Variants in TMEM131 observed in about 807,000 individuals in gnomAD.
The protein encoded by TMEM131 is 2610524E03Rik.
In TMEM131, 66 loss-of-function variants were observed where a neutral mutation model predicts 211.6. The ratio of observed to expected loss-of-function variants is 0.31; its 90% confidence interval spans 0.26 to 0.38. The LOEUF is 0.38. Ranked by LOEUF, TMEM131 falls within the 10% of genes least tolerant of loss-of-function variation. The pLI, the probability that TMEM131 is intolerant of heterozygous loss-of-function variation, is 1.00. For synonymous variants in TMEM131, 844 were observed against 841.3 expected, an observed-to-expected ratio of 1.00 and a Z score of -0.06; for missense variants, 2,036 against 2,299.3, an observed-to-expected ratio of 0.89 and a Z score of 2.34.
At chr2:97,784,743 CA>C (rs1335889076) in intron 31 of TMEM131, among the ~76,000 whole-genome samples, 1 of 151,808 alleles carries the variant, frequency 6.6e-6, no homozygotes, top group Non-Finnish European at 1.5e-5. Flanking sequence ...AAGATAATAA[CA>C]AAGATAAGAA....
intron 25 of TMEM131, 25 bp from the exon 26 acceptor site, chr2:97,797,541 G>A (rs1182846972): frequency 6.3e-7 from 1 of 1,590,134 alleles, no homozygotes; most frequent in Non-Finnish European, 8.6e-7. Context: ...TAAACAGAGA[G>A]GAGTCATGAA....
intron 1 of TMEM131, among the ~76,000 whole-genome samples, chr2:97,957,800 T>C (rs533700229): frequency 1.3e-5 from 2 of 152,212 alleles, no homozygotes; most frequent in South Asian, 4.1e-4. Context: ...GAAATACAAT[T>C]AGCTAATGTC....
At chr2:97,878,824 T>C (rs1446021428) in intron 4 of TMEM131, among the ~76,000 whole-genome samples, 1 of 152,182 alleles carries the variant, frequency 6.6e-6, no homozygotes. Context: ...TCTGCACATA[T>C]ACCCCAGAAC....
At chr2:97,990,671 G>C (rs1334839435) in intron 1 of TMEM131, among the ~76,000 whole-genome samples, 6 of 152,092 alleles carry the variant, frequency 3.9e-5, no homozygotes, top group African/African-American at 1.4e-4. Context: ...CAACATGTGG[G>C]GAAGAAAAAA....
chr2:97,814,836 G>T (rs1227334323), intron 13 of TMEM131, among the ~76,000 whole-genome samples: 2 of 152,060 alleles, frequency 1.3e-5, no homozygotes, highest in East Asian at 1.9e-4. Context: ...GGAATATAAA[G>T]AATTCTGTTT....
Position 97,760,928 on chromosome 2 carries a change from CAAAG to C in TMEM131, c.4890-18_4890-15del, listed in dbSNP as rs1220537140. The C allele has an allele frequency of 1.2e-6, 2 of 1,613,652 alleles. No individual in the cohort carries two copies. Among genetic ancestry groups the C allele is most frequent in the African/African-American group, 2.7e-5 (2 of 74,922 alleles). Reference sequence around the variant, plus strand: ...ATTTTAGGGTCACTTGAAAAAGAAGCAAAGAGAGAACTCATTCCTCATCAGCAGT... The same window carrying C: ...ATTTTAGGGTCACTTGAAAAAGAAGCAGAGAACTCATTCCTCATCAGCAGT... On this transcript the variant is annotated splice_polypyrimidine_tract_variant and intron_variant, in intron 36 of 40. Coordinates refer to ENST00000186436, the MANE Select transcript of TMEM131 (RefSeq NM_015348.2).
intron 12 of TMEM131, 137 bp downstream of exon 12, chr2:97,818,476 G>T (rs1378059885): frequency 1.6e-5 from 5 of 315,168 alleles, no homozygotes; most frequent in African/African-American, 8.7e-5. Context: ...GGGGGGGCGG[G>T]GGGGGATCAA....
At chr2:97,885,508 CTTT>C (rs1675117707) in intron 4 of TMEM131, among the ~76,000 whole-genome samples, 1 of 152,134 alleles carries the variant, frequency 6.6e-6, no homozygotes, top group African/African-American at 2.4e-5. Context: ...GATTTTAATT[CTTT>C]TTTATTTCTG....
intron 1 of TMEM131, among the ~76,000 whole-genome samples, chr2:97,945,225 A>G (rs1677975961): frequency 2.0e-5 from 3 of 152,326 alleles, no homozygotes; most frequent in African/African-American, 4.8e-5. Context: ...AAGGCCATAT[A>G]TTTTAGTATT....
intron 31 of TMEM131, among the ~76,000 whole-genome samples, chr2:97,780,508 C>T (rs1207277179): frequency 2.0e-5 from 3 of 152,136 alleles, no homozygotes; most frequent in African/African-American, 7.2e-5. Context: ...ATTTTTAAAG[C>T]TTAGAAATGT....
intron 3 of TMEM131, among the ~76,000 whole-genome samples, chr2:97,902,742 T>C (rs536763329): frequency 2.0e-5 from 3 of 152,218 alleles, no homozygotes; most frequent in Middle Eastern, 3.4e-3. Context: ...TCTGAGTCAG[T>C]GGGCTGGGGA....
intron 4 of TMEM131, among the ~76,000 whole-genome samples, chr2:97,868,064 T>G (rs1478505418): frequency 2.6e-5 from 4 of 152,238 alleles, no homozygotes; most frequent in Non-Finnish European, 5.9e-5. Context: ...CCTAAGGGTA[T>G]ATTTGCTTCA....
chr2:97,958,188 A>G (rs1372532351), intron 1 of TMEM131, among the ~76,000 whole-genome samples: 1 of 152,176 alleles, frequency 6.6e-6, no homozygotes, highest in Non-Finnish European at 1.5e-5. Context: ...AAGAGGCTGG[A>G]GAGGGGGGCA....
At chr2:97,934,774 A>C (rs568867149) in intron 1 of TMEM131, among the ~76,000 whole-genome samples, 2 of 152,318 alleles carry the variant, frequency 1.3e-5, no homozygotes, top group Non-Finnish European at 2.9e-5. Context: ...CTTTTCCAAC[A>C]AATAGCACAG....
Position 97,995,484 on chromosome 2 carries a change from T to G in TMEM131, c.179A>C (p.Glu60Ala). ...MTLVVAAARA[E>A]KEAFVQSESI... The stretch of plus-strand genomic sequence containing the variant: ...CGCCGGGGGACACCCACCTTCCTTC[T>G]CGGCCCGCGCCGCAGCCACTACGAG... The change falls in exon 1 of 41, where the codon GAG becomes GCG. Residue 60 changes from glutamate (E) to alanine (A), a missense_variant. Glu to Ala is a moderately radical substitution (Grantham distance 107). Transcript: ENST00000186436. 1 of 1,405,908 alleles carries G rather than the reference T, an allele frequency of 7.1e-7. No individual in the cohort carries two copies. The highest frequency in any genetic ancestry group is 9.3e-7 in the Non-Finnish European group (1 of 1,074,934). 87.1% of individuals were successfully genotyped at this position (1,405,908 alleles called of 1,614,324 possible). A position where few individuals can be genotyped will look rare whatever the true frequency, so the allele number is the denominator to read the frequency against.
intron 11 of TMEM131, among the ~76,000 whole-genome samples, chr2:97,831,321 A>G (rs1482187493): frequency 1.3e-5 from 2 of 152,252 alleles, no homozygotes; most frequent in African/African-American, 4.8e-5. Context: ...GAGAGCCCTG[A>G]TAAACAGTGA....
Position 97,995,572 on chromosome 2 carries a change from G to A in TMEM131, c.91C>T (p.Arg31Cys). ...GCCGCGCTCCGCGGGCCCCCGCTAC[G>A]GGCGGCCGCAGGTTCCAGCCCGGCC... ...AGAGLEPAAA[R>C]SGGPRSAAAG... The change falls in exon 1 of 41, where the codon CGT becomes TGT. Residue 31 changes from arginine (R) to cysteine (C), a missense_variant. This residue lies in a region of TMEM131 where 136 missense variants were observed against 115.4 expected (regional missense o/e 1.18). Coordinates refer to ENST00000186436, the MANE Select transcript of TMEM131 (RefSeq NM_015348.2). 1 of 1,304,468 alleles carries A rather than the reference G, an allele frequency of 7.7e-7. No homozygotes were observed. Among genetic ancestry groups the A allele is most frequent in the South Asian group, 2.3e-5 (1 of 43,676 alleles). The allele number at this position is 1,304,468 out of a possible 1,614,324, so 80.8% of individuals were successfully genotyped here. A position where few individuals can be genotyped will look rare whatever the true frequency, so the allele number is the denominator to read the frequency against.
chr2:97,918,004 T>G (rs986916798), intron 2 of TMEM131, among the ~76,000 whole-genome samples: 1 of 151,694 alleles, frequency 6.6e-6, no homozygotes, highest in Non-Finnish European at 1.5e-5. Context: ...TGGAGTGCAG[T>G]GGCACGATCT....
intron 11 of TMEM131, chr2:97,827,286 C>A: frequency 1.3e-6 from 1 of 784,026 alleles, no homozygotes; most frequent in South Asian, 1.3e-5. Context: ...AAGCCGCTGC[C>A]AAGGAAGAGC....
Sources: gnomAD v4.1 joint callset for allele counts (sites outside exome capture counted in the v4.1 genomes callset) on GRCh38, gnomAD v4.1.1 for gene constraint, gnomAD v4.1.1 regional missense constraint, MANE v1.5 for transcripts, NCBI Gene and HGNC (gene_info 2026-07-23, HGNC 2026-07-21) for gene names.